The following CDC16 variants were observed in gnomAD, a reference collection of about 807,000 sequenced individuals.
The protein encoded by CDC16 is cell division cycle 16.
A neutral mutation model predicts 87.0 loss-of-function variants in CDC16; 34 were observed. That is an observed-to-expected ratio of 0.39 (90% CI 0.30 to 0.52). The LOEUF is 0.52. CDC16 is among the 20% of genes least tolerant of loss of function. The pLI is 0.74. For synonymous variants in CDC16, 263 were observed against 260.6 expected (o/e 1.01, Z -0.09); for missense variants, 653 against 751.9 (o/e 0.87, Z 1.54).
At chr13:114,260,627 T>C (rs1038360794) in intron 14 of CDC16, among the ~76,000 whole-genome samples, 4 of 152,208 alleles carry the variant, frequency 2.6e-5, no homozygotes, top group Non-Finnish European at 5.9e-5. Context: ...ATTTAGAGTC[T>C]TACAGAAACT....
chr13:114,256,974 G>T, intron 12 of CDC16, 104 bp from the exon 13 acceptor site: 2 of 676,530 alleles, frequency 3.0e-6, no homozygotes, highest in East Asian at 5.5e-5. Flanking sequence ...CTGTGTTTTG[G>T]CTACCTTTAA....
At position 114,239,044 on chromosome 13, in the gene CDC16, ATTTCAT is replaced by A. The variant is rs1351496148; in HGVS notation, c.240+20_240+25del. On this transcript the variant is annotated intron_variant, in intron 4 of 17. Coordinates refer to ENST00000356221, the MANE Select transcript of CDC16 (RefSeq NM_001078645.3). ...TAGGTGCCATGTAAGTATGCTCATA[ATTTCAT>A]TTTTATTTGGTTGAATAAAATGAGT... 46 of 1,591,308 alleles carry A rather than the reference ATTTCAT, an allele frequency of 2.9e-5. No homozygotes were observed. Among genetic ancestry groups the A allele is most frequent in the Non-Finnish European group, 3.7e-5 (44 of 1,173,812 alleles).
intron 16 of CDC16, 56 bp from the exon 17 acceptor site, chr13:114,265,094 G>A: frequency 1.6e-6 from 2 of 1,222,812 alleles, no homozygotes. Context: ...GAATCAGTGT[G>A]GTAAGAGAAG....
In CDC16 at chr13:114,245,057, A is replaced by G. The variant is rs1419797981; in HGVS notation, c.847+88A>G. On this transcript the variant is annotated intron_variant, in intron 9 of 17. Transcript: ENST00000356221. ...AAATTTTGTCTCTGAAATTCTGGAT[A>G]GTTGAGATTGCAGGTAACAACATAA... The G allele has an allele frequency of 1.5e-5, 11 of 738,132 alleles. No individual in the cohort carries two copies. In the Admixed American group the frequency reaches 2.3e-4, roughly 16 times the overall value. 45.7% of individuals were successfully genotyped at this position (738,132 alleles called of 1,614,324 possible).
Position 114,272,561 on chromosome 13 carries a change from T to C in CDC16, c.*118T>C, listed in dbSNP as rs2083756638. On this transcript the variant is annotated 3_prime_UTR_variant, in exon 18 of 18. Coordinates refer to ENST00000356221, the MANE Select transcript of CDC16 (RefSeq NM_001078645.3). ...TGACTCCAAACTGCATCTCTACATT[T>C]AGGAACAGAGACCCGCCTTAAGAGA... The C allele has an allele frequency of 1.2e-6, 1 of 840,814 alleles. No homozygotes were observed. The highest frequency in any genetic ancestry group is 1.9e-5 in the South Asian group (1 of 53,086). The allele number at this position is 840,814 out of a possible 1,614,324, so 52.1% of individuals were successfully genotyped here. A position where few individuals can be genotyped will look rare whatever the true frequency, so the allele number is the denominator to read the frequency against.
At chr13:114,251,704 T>G (rs980511348) in intron 12 of CDC16, among the ~76,000 whole-genome samples, 2 of 152,204 alleles carry the variant, frequency 1.3e-5, no homozygotes, top group African/African-American at 4.8e-5. Context: ...TAAAGGACAT[T>G]TATTTTTTCA....
intron 3 of CDC16, among the ~76,000 whole-genome samples, chr13:114,237,552 A>G (rs2081317969): frequency 6.6e-6 from 1 of 152,108 alleles, no homozygotes; most frequent in African/African-American, 2.4e-5. Flanking sequence ...TTGGTCTCCC[A>G]AAGTGCTGGG....
chr13:114,256,429 ATGT>A (rs1242572491), intron 12 of CDC16, among the ~76,000 whole-genome samples: 3 of 152,204 alleles, frequency 2.0e-5, no homozygotes, highest in Non-Finnish European at 2.9e-5. Context: ...GTATTTATTG[ATGT>A]TCTGAGATCA....
chr13:114,257,600 T>G (rs1399829074), intron 13 of CDC16, among the ~76,000 whole-genome samples: 1 of 152,200 alleles, frequency 6.6e-6, no homozygotes, highest in Non-Finnish European at 1.5e-5. Flanking sequence ...GAAACAAAAG[T>G]GTTTTCTATT....
intron 6 of CDC16, 49 bp from the exon 7 acceptor site, chr13:114,243,208 C>A: frequency 1.2e-6 from 1 of 849,672 alleles, no homozygotes; most frequent in South Asian, 1.4e-5. Flanking sequence ...GGCTTTTTCC[C>A]CTCTATAAAT....
chr13:114,252,465 AT>A (rs2139016644), intron 12 of CDC16, among the ~76,000 whole-genome samples: 1 of 152,282 alleles, frequency 6.6e-6, no homozygotes, highest in African/African-American at 2.4e-5. Flanking sequence ...TTACTAGAAA[AT>A]AACCTTCCAG....
chr13:114,259,094 T>TAAAAAA (rs5807005), intron 13 of CDC16, among the ~76,000 whole-genome samples: 1 of 111,456 alleles, frequency 9.0e-6, no homozygotes, highest in African/African-American at 3.3e-5. Flanking sequence ...GTGAGACTCT[T>TAAAAAA]AAAAAAAAAA....
chr13:114,237,326 C>CT (rs2081306274), intron 3 of CDC16, among the ~76,000 whole-genome samples: 1 of 152,012 alleles, frequency 6.6e-6, no homozygotes, highest in Non-Finnish European at 1.5e-5. Flanking sequence ...TGAGGTCTCT[C>CT]TGTGTCACCC....
At chr13:114,263,965 G>A (rs560993442) in intron 16 of CDC16, among the ~76,000 whole-genome samples, 86 of 152,310 alleles carry the variant, frequency 5.6e-4, no homozygotes, top group African/African-American at 1.9e-3. Flanking sequence ...AGCAATGTTT[G>A]AATTTGAGAA....
intron 17 of CDC16, among the ~76,000 whole-genome samples, chr13:114,268,159 G>A (rs75695794): frequency 0.013 from 1,926 of 152,262 alleles, 50 homozygotes; most frequent in African/African-American, 0.043. Context: ...CCTATGTAGA[G>A]CAGAGGGATC....
chr13:114,236,870 G>A lies in CDC16; in HGVS notation c.175G>A (p.Ala59Thr), dbSNP rs2081276690. Reference sequence around the variant, plus strand: ...AGCACAATATCACAGAGCCGCCCATGCACTTCGGTCACGAAAACTGGACAA... The same window carrying A: ...AGCACAATATCACAGAGCCGCCCATACACTTCGGTCACGAAAACTGGACAA... ...LTAQYHRAAH[A>T]LRSRKLDKLY... The change falls in exon 3 of 18, where the codon GCA (alanine) becomes ACA (threonine). Residue 59 changes from alanine to threonine, a missense_variant. Physicochemically the swap from Ala to Thr is moderately conservative, Grantham distance 58. Transcript: ENST00000356221. 6.3e-7 allele frequency: 1 copy of A among 1,596,448 alleles called. No homozygotes were observed. The highest frequency in any genetic ancestry group is 1.4e-5 in the African/African-American group (1 of 73,490).
At chr13:114,262,830 A>G in intron 15 of CDC16, 49 bp from the exon 16 acceptor site, 16 of 1,604,182 alleles carry the variant, frequency 1.0e-5, no homozygotes, top group Admixed American at 1.7e-5. Flanking sequence ...TCTTAGACTT[A>G]GGAATTTAGT....
chr13:114,246,656 G>C (rs533884909), intron 10 of CDC16, among the ~76,000 whole-genome samples: 2 of 152,348 alleles, frequency 1.3e-5, no homozygotes, highest in South Asian at 4.1e-4. Flanking sequence ...TGGGGGAGAT[G>C]AGCAGTGCAG....
chr13:114,259,604 C>T (rs770908779), intron 14 of CDC16, among the ~76,000 whole-genome samples: 1 of 152,154 alleles, frequency 6.6e-6, no homozygotes, highest in South Asian at 2.1e-4. Context: ...CAAGTGTTGG[C>T]GTTTGCTTCT....
Sources: allele counts gnomAD v4.1 joint callset (sites outside exome capture counted in the v4.1 genomes callset), GRCh38; gene constraint gnomAD v4.1.1; transcripts MANE v1.5; gene names NCBI Gene and HGNC (gene_info 2026-07-23, HGNC 2026-07-21).